ASTN2: variants seen among roughly 807,000 people sequenced by gnomAD.
ASTN2 encodes the protein astrotactin-2.
A neutral mutation model predicts 139.8 loss-of-function variants in ASTN2; 54 were observed. That is an observed-to-expected ratio of 0.39 (90% CI 0.31 to 0.48). The LOEUF (loss-of-function observed/expected upper bound fraction) is 0.48. Ranked by LOEUF, ASTN2 falls within the 20% of genes least tolerant of loss-of-function variation. ASTN2 has a pLI of 0.95. For synonymous variants in ASTN2, 756 were observed against 719.5 expected (o/e 1.05, Z -0.81); for missense variants, 1,565 against 1,725.1 (o/e 0.91, Z 1.64).
At chr9:117,386,475 C>T (rs1830403685) in intron 1 of ASTN2, among the ~76,000 whole-genome samples, 3 of 152,160 alleles carry the variant, frequency 2.0e-5, no homozygotes, top group African/African-American at 7.2e-5. Flanking sequence ...AGGAGCTAAC[C>T]TCAGCTGATC....
chr9:117,118,603 A>AAG (rs1228311416), intron 4 of ASTN2, among the ~76,000 whole-genome samples: 1 of 152,188 alleles, frequency 6.6e-6, no homozygotes, highest in Admixed American at 6.5e-5. Flanking sequence ...AAATCAAACC[A>AAG]AGTCCTTTCC....
chr9:117,297,262 C>T (rs1334739297), intron 1 of ASTN2, among the ~76,000 whole-genome samples: 1 of 152,100 alleles, frequency 6.6e-6, no homozygotes, highest in African/African-American at 2.4e-5. Context: ...GGAAAGCAGA[C>T]ATTACATGAG....
intron 10 of ASTN2, among the ~76,000 whole-genome samples, chr9:116,927,114 T>C (rs563538587): frequency 1.0e-3 from 157 of 152,328 alleles, no homozygotes; most frequent in African/African-American, 3.4e-3. Context: ...CCCATTTTCA[T>C]TGCAGATTGC....
chr9:117,281,124 G>A (rs1472978716), intron 2 of ASTN2, among the ~76,000 whole-genome samples: 3 of 152,138 alleles, frequency 2.0e-5, no homozygotes, highest in East Asian at 3.9e-4. Flanking sequence ...GGCCAAGAAC[G>A]ATAACAGAGT....
In ASTN2 at chr9:117,258,590, T is replaced by C. The variant is rs117110763; in HGVS notation, c.630+32736A>G. ...CACATTTCTAAAGCCATGCTTTGCTTGCTTGTAAAGGTCTGCTGTGTCTCC... is the reference window on the plus strand; with the variant it reads ...CACATTTCTAAAGCCATGCTTTGCTCGCTTGTAAAGGTCTGCTGTGTCTCC... On this transcript the variant is annotated intron_variant, in intron 2 of 22. Transcript: ENST00000313400. 4.6e-3 allele frequency among the ~76,000 whole-genome samples: 708 copies of C among 152,276 alleles called. 5 individuals are homozygous for C. Among genetic ancestry groups the C allele is most frequent in the Non-Finnish European group, 9.0e-3 (610 of 68,024 alleles).
intron 10 of ASTN2, among the ~76,000 whole-genome samples, chr9:116,963,578 AG>A (rs1293491203): frequency 6.6e-6 from 1 of 152,166 alleles, no homozygotes; most frequent in African/African-American, 2.4e-5. Flanking sequence ...GAAAGCAGTG[AG>A]ACTACGTATG....
intron 11 of ASTN2, among the ~76,000 whole-genome samples, chr9:116,826,365 G>A (rs1461411551): frequency 2.0e-5 from 3 of 152,208 alleles, no homozygotes; most frequent in South Asian, 2.1e-4. Flanking sequence ...GCACCATGCT[G>A]AGCATTTAAT....
intron 4 of ASTN2, among the ~76,000 whole-genome samples, chr9:117,114,166 CTTT>C (rs748137558): frequency 0.13 from 18,275 of 140,714 alleles, 1,367 homozygotes; most frequent in Middle Eastern, 0.17. Context: ...GAACATTAGT[CTTT>C]TTTTTTTTTA....
At chr9:117,223,083 C>T (rs901512623) in intron 2 of ASTN2, among the ~76,000 whole-genome samples, 2 of 152,142 alleles carry the variant, frequency 1.3e-5, no homozygotes, top group Non-Finnish European at 2.9e-5. Context: ...CTTTTAGACA[C>T]TGAGGATCTA....
At chr9:117,336,925 T>C (rs1372372352) in intron 1 of ASTN2, among the ~76,000 whole-genome samples, 1 of 152,170 alleles carries the variant, frequency 6.6e-6, no homozygotes, top group African/African-American at 2.4e-5. Context: ...CACCACAAGA[T>C]ACATGCTCAA....
chr9:117,308,013 A>G (rs965340158), intron 1 of ASTN2, among the ~76,000 whole-genome samples: 23 of 152,294 alleles, frequency 1.5e-4, no homozygotes, highest in Admixed American at 4.6e-4. Flanking sequence ...TGTTATGGGA[A>G]AAAAATTTCC....
At chr9:116,650,932 T>C (rs1475861795) in intron 17 of ASTN2, among the ~76,000 whole-genome samples, 1 of 150,894 alleles carries the variant, frequency 6.6e-6, no homozygotes, top group Non-Finnish European at 1.5e-5. Flanking sequence ...TTTTTTTTTT[T>C]TTAAACCAAG....
In ASTN2 at chr9:117,291,493, C is replaced by A; in HGVS notation, c.463G>T (p.Asp155Tyr). ...TGTCTCCAGTGCACCAGCGAGATGT[C>A]CGCTGCTGTGCCAGACATCTCTGCA... ...FTLEMSGTAA[D>Y]ISLVHWRQQW... Residue 155 changes from aspartate (D) to tyrosine (Y), a missense_variant, in exon 2 of 23, where the codon GAC (aspartate) becomes TAC (tyrosine). By Grantham distance (160) the Asp-to-Tyr change is radical. Around this residue, in one of 4 missense-constraint regions of ASTN2, gnomAD observed 596 missense variants for 576.8 expected, o/e 1.03. Coordinates refer to ENST00000313400, the MANE Select transcript of ASTN2 (RefSeq NM_001365068.1). The A allele has an allele frequency of 6.2e-7, 1 of 1,609,008 alleles. No homozygotes were observed. The highest frequency in any genetic ancestry group is 8.5e-7 in the Non-Finnish European group (1 of 1,177,484).
At chr9:117,222,609 A>T (rs1218414312) in intron 2 of ASTN2, among the ~76,000 whole-genome samples, 1 of 152,152 alleles carries the variant, frequency 6.6e-6, no homozygotes, top group African/African-American at 2.4e-5. Context: ...ACCTGGAATG[A>T]TGCCCTCATT....
intron 19 of ASTN2, among the ~76,000 whole-genome samples, chr9:116,601,509 G>C (rs1381369778): frequency 6.6e-6 from 1 of 152,134 alleles, no homozygotes; most frequent in Non-Finnish European, 1.5e-5. Flanking sequence ...TTTAAAAGAT[G>C]ATCACAGAAG....
intron 16 of ASTN2, among the ~76,000 whole-genome samples, chr9:116,666,949 CTTTTTTTTTT>C (rs34835904): frequency 2.8e-5 from 2 of 70,362 alleles, no homozygotes; most frequent in Non-Finnish European, 4.9e-5. Context: ...TTTATTTATT[CTTTTTTTTTT>C]TTTTTTTTTT....
chr9:116,494,251 G>A (rs143570746), intron 19 of ASTN2, among the ~76,000 whole-genome samples: 1 of 152,100 alleles, frequency 6.6e-6, no homozygotes, highest in East Asian at 1.9e-4. Context: ...ATGTAGAGAT[G>A]GATGATTAAA....
intron 1 of ASTN2, among the ~76,000 whole-genome samples, chr9:117,359,369 T>C (rs370052204): frequency 4.6e-5 from 7 of 152,328 alleles, no homozygotes; most frequent in African/African-American, 1.7e-4. Flanking sequence ...ACAACTGATG[T>C]GGCAAGTAAA....
chr9:116,670,141 A>AAAAG (rs1859106271), intron 16 of ASTN2, among the ~76,000 whole-genome samples: 1 of 152,142 alleles, frequency 6.6e-6, no homozygotes, highest in South Asian at 2.1e-4. Context: ...TCAATCAAAA[A>AAAAG]CATCTATTTG....
Sources: allele counts gnomAD v4.1 joint callset (sites outside exome capture counted in the v4.1 genomes callset), GRCh38; gene constraint gnomAD v4.1.1; regional missense constraint gnomAD v4.1.1; transcripts MANE v1.5; gene names NCBI Gene and HGNC (gene_info 2026-07-23, HGNC 2026-07-21).